Variants in TGS1 observed in about 807,000 individuals in gnomAD.
The protein encoded by TGS1 is trimethylguanosine synthase.
In TGS1, 69 loss-of-function variants were observed where a neutral mutation model predicts 92.2. The ratio of observed to expected loss-of-function variants is 0.75; its 90% CI spans 0.62 to 0.91. TGS1 has a LOEUF of 0.91. TGS1 is among the 40% of genes least tolerant of loss of function. The pLI is 0.00. For synonymous variants in TGS1, 345 were observed against 338.1 expected, an observed-to-expected ratio of 1.02 and a Z score of -0.22; for missense variants, 1,062 against 1,001.2, an observed-to-expected ratio of 1.06 and a Z score of -0.82.
chr8:55,784,002 A>G (rs1811642004), intron 2 of TGS1, among the ~76,000 whole-genome samples: 1 of 152,290 alleles, frequency 6.6e-6, no homozygotes, highest in Non-Finnish European at 1.5e-5. Flanking sequence ...AATCCCCTTC[A>G]TTATTTAGAA....
chr8:55,819,773 A>G (rs756109527), intron 12 of TGS1, among the ~76,000 whole-genome samples: 2 of 152,234 alleles, frequency 1.3e-5, no homozygotes, highest in Non-Finnish European at 2.9e-5. Flanking sequence ...TGACTAAAAA[A>G]TATTTTCTTC....
chr8:55,791,069 C>T (rs984035145), intron 5 of TGS1, among the ~76,000 whole-genome samples: 4 of 152,172 alleles, frequency 2.6e-5, no homozygotes, highest in African/African-American at 9.7e-5. Flanking sequence ...AGGTCATGCT[C>T]TCATTGTATA....
chr8:55,817,645 ATTAAG>A (rs1161567076), intron 12 of TGS1, among the ~76,000 whole-genome samples: 2 of 152,184 alleles, frequency 1.3e-5, no homozygotes, highest in Non-Finnish European at 1.5e-5. Flanking sequence ...ATTTTTCTGA[ATTAAG>A]TTAATATAGT....
intron 6 of TGS1, among the ~76,000 whole-genome samples, chr8:55,793,594 G>A (rs1222408455): frequency 1.3e-5 from 2 of 152,038 alleles, no homozygotes; most frequent in Non-Finnish European, 1.5e-5. Flanking sequence ...TTGAGACAGA[G>A]TCTCACTCTG....
At chr8:55,815,092 T>G (rs1383899543) in intron 12 of TGS1, among the ~76,000 whole-genome samples, 2 of 152,326 alleles carry the variant, frequency 1.3e-5, no homozygotes, top group Non-Finnish European at 2.9e-5. Context: ...TTTGAGTACT[T>G]GAATAACGAG....
chr8:55,811,419 G>A (rs186292798), intron 11 of TGS1, among the ~76,000 whole-genome samples: 4 of 152,002 alleles, frequency 2.6e-5, no homozygotes, highest in Admixed American at 1.3e-4. Context: ...CTGAGATCGC[G>A]CCACTGCACT....
chr8:55,777,899 T>A (rs1554558064), intron 1 of TGS1, among the ~76,000 whole-genome samples: 12 of 50,378 alleles, frequency 2.4e-4, no homozygotes, highest in African/African-American at 1.8e-3. Flanking sequence ...CAGAATAATT[T>A]AAATTTTTTT....
At position 55,802,323 on chromosome 8, in the gene TGS1, C is replaced by G. The variant is rs140309077; in HGVS notation, c.1850-134C>G. ...CCAGTGGCGTTTCCATCAGGCTCTC[C>G]TGTTTCTCTGGGCGTGTCATTATAT... On this transcript the variant is annotated intron_variant, in intron 8 of 12. Transcript: ENST00000260129. 4,032 of 675,354 alleles carry G rather than the reference C, an allele frequency of 6.0e-3. 40 individuals carry two copies. Among genetic ancestry groups the G allele is most frequent in the Middle Eastern group, 0.041 (98 of 2,406 alleles). 41.8% of individuals were successfully genotyped at this position (675,354 alleles called of 1,614,324 possible). A position where few individuals can be genotyped will look rare whatever the true frequency, so the allele number is the denominator to read the frequency against.
intron 2 of TGS1, among the ~76,000 whole-genome samples, chr8:55,785,085 G>A (rs1811671307): frequency 6.9e-6 from 1 of 145,208 alleles, no homozygotes; most frequent in Admixed American, 6.9e-5. Context: ...TTTTTTTTGA[G>A]ACAGAGTCTC....
At chr8:55,803,124 TG>T (rs3085191) in intron 9 of TGS1, among the ~76,000 whole-genome samples, 1 of 148,502 alleles carries the variant, frequency 6.7e-6, no homozygotes, top group Admixed American at 6.7e-5. Context: ...CCCTTCAATT[TG>T]GGGGGGTGTG....
At chr8:55,808,924 GAC>G (rs1803267412) in intron 10 of TGS1, among the ~76,000 whole-genome samples, 1 of 152,142 alleles carries the variant, frequency 6.6e-6, no homozygotes, top group African/African-American at 2.4e-5. Flanking sequence ...TTGAGCTAAT[GAC>G]ATTATGGCAA....
At chr8:55,784,965 G>T (rs1341428292) in intron 2 of TGS1, among the ~76,000 whole-genome samples, 2 of 152,162 alleles carry the variant, frequency 1.3e-5, no homozygotes, top group Non-Finnish European at 2.9e-5. Context: ...ATGAATAGTG[G>T]CAGGCAGAGC....
At chr8:55,778,248 C>G (rs750150984) in intron 1 of TGS1, among the ~76,000 whole-genome samples, 1 of 151,814 alleles carries the variant, frequency 6.6e-6, no homozygotes, top group African/African-American at 2.4e-5. Context: ...GAATGAGACC[C>G]TGTCTCAGAG....
chr8:55,824,539 T>G, intron 12 of TGS1, 42 bp from the exon 13 acceptor site: 1 of 1,610,768 alleles, frequency 6.2e-7, no homozygotes, highest in Non-Finnish European at 8.5e-7. Flanking sequence ...TTTGAAATTA[T>G]GCTTAGGTGT....
intron 10 of TGS1, among the ~76,000 whole-genome samples, chr8:55,806,011 A>T (rs1278136575): frequency 6.6e-6 from 1 of 151,170 alleles, no homozygotes; most frequent in Non-Finnish European, 1.5e-5. Context: ...GTGAGCTGTG[A>T]TTGCACCACT....
chr8:55,823,730 C>T (rs1207764654), intron 12 of TGS1, among the ~76,000 whole-genome samples: 1 of 151,880 alleles, frequency 6.6e-6, no homozygotes, highest in Non-Finnish European at 1.5e-5. Flanking sequence ...AGGACAAAGG[C>T]TTTCAGGAAA....
intron 2 of TGS1, among the ~76,000 whole-genome samples, chr8:55,785,061 TTTTGTTTTTTG>T (rs1563451660): frequency 6.7e-6 from 1 of 150,056 alleles, no homozygotes; most frequent in African/African-American, 2.5e-5. Context: ...GTTTTTTGTT[TTTTGTTTTTTG>T]TTTTTTTTTT....
chr8:55,799,218 A>C lies in TGS1; in HGVS notation c.1847A>C (p.Glu616Ala). 6.2e-7 allele frequency: 1 copy of C among 1,602,198 alleles called. No individual in the cohort carries two copies. Among genetic ancestry groups the C allele is most frequent in the Non-Finnish European group, 8.5e-7 (1 of 1,175,762 alleles). Residue 616 changes from glutamate (E) to alanine (A), a missense_variant and splice_region_variant, in exon 8 of 13, where the codon GAA (glutamate) becomes GCA (alanine). Coordinates refer to ENST00000260129, the MANE Select transcript of TGS1 (RefSeq NM_024831.8). Reference sequence around the variant, plus strand: ...CCAGACTCCCGCCAGGCAGAAACTGAAGGTAACACTAAATATGCTTCAACT... The same window carrying C: ...CCAGACTCCCGCCAGGCAGAAACTGCAGGTAACACTAAATATGCTTCAACT... The part of the protein sequence containing the change: ...EVPDSRQAET[E>A]AEVKKKKNKK...
chr8:55,805,881 TA>T (rs60887117), intron 10 of TGS1, among the ~76,000 whole-genome samples: 61,766 of 118,848 alleles, frequency 0.52, 15,653 homozygotes, highest in Admixed American at 0.57. Context: ...GACTCCATCT[TA>T]AAAAAAAAAA....
Sources: gnomAD v4.1 joint callset for allele counts (sites outside exome capture counted in the v4.1 genomes callset) on GRCh38, gnomAD v4.1.1 for gene constraint, MANE v1.5 for transcripts, NCBI Gene and HGNC (gene_info 2026-07-23, HGNC 2026-07-21) for gene names.